The following PRKN variants were observed in gnomAD, a reference collection of about 807,000 sequenced individuals.
PRKN encodes parkin RBR E3 ubiquitin protein ligase.
A neutral mutation model predicts 59.5 loss-of-function variants in PRKN; 56 were observed. The ratio of observed to expected loss-of-function variants is 0.94; its 90% CI spans 0.76 to 1.18. The LOEUF (loss-of-function observed/expected upper bound fraction) is 1.18. Among genes scored for constraint, PRKN ranks in the 50% most tolerant of loss-of-function variants. The pLI is 0.00. For missense variants in PRKN, 657 were observed against 596.4 expected (o/e 1.10, Z -1.06); for synonymous variants, 250 against 222.1 (o/e 1.13, Z -1.12).
intron 7 of PRKN, among the ~76,000 whole-genome samples, chr6:161,639,246 A>C: frequency 6.6e-6 from 1 of 152,226 alleles, no homozygotes; most frequent in East Asian, 1.9e-4. Flanking sequence ...AGAATGGACA[A>C]ATAGACCTAG....
intron 6 of PRKN, among the ~76,000 whole-genome samples, chr6:161,953,318 C>T (rs1780055249): frequency 6.6e-6 from 1 of 152,132 alleles, no homozygotes; most frequent in Non-Finnish European, 1.5e-5. Context: ...ACCATGATGG[C>T]CAGGCTGATT....
chr6:161,830,746 T>C (rs1792463915), intron 6 of PRKN, among the ~76,000 whole-genome samples: 1 of 152,208 alleles, frequency 6.6e-6, no homozygotes, highest in African/African-American at 2.4e-5. Context: ...AACAAATGCA[T>C]TACCTCACAT....
chr6:162,568,581 G>C, intron 1 of PRKN: 1 of 849,064 alleles, frequency 1.2e-6, no homozygotes, highest in Admixed American at 1.7e-5. Context: ...GCAGGAGAAG[G>C]AGAAGGAGCA....
At chr6:162,039,139 G>C (rs1783963238) in intron 5 of PRKN, among the ~76,000 whole-genome samples, 1 of 149,090 alleles carries the variant, frequency 6.7e-6, no homozygotes, top group South Asian at 2.1e-4. Context: ...CTGGGCGACA[G>C]AGCGAGACTC....
chr6:162,130,471 G>A (rs2128307931), intron 4 of PRKN, among the ~76,000 whole-genome samples: 1 of 152,258 alleles, frequency 6.6e-6, no homozygotes, highest in East Asian at 1.9e-4. Flanking sequence ...TTAAATCAAT[G>A]TGCATCAGAA....
Position 161,487,894 on chromosome 6 carries a change from C to T in PRKN, c.1083+60960G>A, listed in dbSNP as rs962301320. Among the ~76,000 whole-genome samples the T allele has an allele frequency of 2.0e-5, 3 of 152,148 alleles. No individual in the cohort carries two copies. The highest frequency in any genetic ancestry group is 6.6e-5 in the Admixed American group (1 of 15,264). ...CTTCCCACCTCCCCCTACCTTCCTT[C>T]CTCTTTTTCTTCCCTCCCGTCATTA... On this transcript the variant is annotated intron_variant, in intron 9 of 11. Transcript: ENST00000366898. This position sits in a 1 kb window ranked among gnomAD's most constrained non-coding sequence, Gnocchi z 5.3.
At chr6:161,821,837 G>A (rs980742087) in intron 6 of PRKN, among the ~76,000 whole-genome samples, 10 of 137,776 alleles carry the variant, frequency 7.3e-5, no homozygotes, top group East Asian at 4.6e-4. Context: ...CAACTTCTGC[G>A]CCCTGGGTTG....
At chr6:162,049,420 G>A (rs1777534249) in intron 5 of PRKN, among the ~76,000 whole-genome samples, 1 of 152,256 alleles carries the variant, frequency 6.6e-6, no homozygotes, top group South Asian at 2.1e-4. Flanking sequence ...GAGAGTGAAA[G>A]AGTTGAGCTC....
intron 2 of PRKN, among the ~76,000 whole-genome samples, chr6:162,333,830 G>A (rs1783706453): frequency 6.6e-6 from 1 of 152,190 alleles, no homozygotes; most frequent in African/African-American, 2.4e-5. Flanking sequence ...CTTTGCACCA[G>A]GTTGGCTGTA....
rs568790181 is a variant in PRKN at position 161,527,326 on chromosome 6, C to T, written c.1083+21528G>A. 1.2e-3 allele frequency among the ~76,000 whole-genome samples: 185 copies of T among 152,272 alleles called. 1 individual carries two copies. The highest frequency in any genetic ancestry group is 2.1e-3 in the Non-Finnish European group (145 of 68,024). ...ATATTTTGGGGTGAAGTGTCTTGAG[C>T]CCCAACGGCATCAAGTATGAACTTG... On this transcript the variant is annotated intron_variant, in intron 9 of 11. Coordinates refer to ENST00000366898, the MANE Select transcript of PRKN (RefSeq NM_004562.3). This position sits in a 1 kb window ranked among gnomAD's most constrained non-coding sequence, Gnocchi z 4.6.
At chr6:162,363,263 A>G (rs796215403) in intron 2 of PRKN, among the ~76,000 whole-genome samples, 17 of 152,254 alleles carry the variant, frequency 1.1e-4, no homozygotes, top group African/African-American at 3.8e-4. Context: ...AGGCAATTCA[A>G]AGTACATTGT....
intron 4 of PRKN, among the ~76,000 whole-genome samples, chr6:162,107,217 C>T (rs542777227): frequency 6.6e-6 from 1 of 152,212 alleles, no homozygotes; most frequent in Non-Finnish European, 1.5e-5. Flanking sequence ...ATAATCCCAG[C>T]ACTTTGGGAG....
chr6:161,941,403 C>A (rs1304605162), intron 6 of PRKN, among the ~76,000 whole-genome samples: 1 of 152,168 alleles, frequency 6.6e-6, no homozygotes, highest in Non-Finnish European at 1.5e-5. Context: ...GGAGGAGATC[C>A]CAGGCTGCTG....
intron 6 of PRKN, among the ~76,000 whole-genome samples, chr6:161,875,661 G>T (rs1289439512): frequency 6.6e-6 from 1 of 152,082 alleles, no homozygotes; most frequent in South Asian, 2.1e-4. Flanking sequence ...ATTTAGAAGA[G>T]GCTCTGTCCG....
In PRKN at chr6:162,096,848, A is replaced by ATTTTTTTTTTTT. The variant is rs71004079; in HGVS notation, c.535-42686_535-42675dup. 1.8e-4 allele frequency among the ~76,000 whole-genome samples: 9 copies of ATTTTTTTTTTTT among 49,206 alleles called. 1 individual carries two copies. The highest frequency in any genetic ancestry group is 6.2e-4 in the African/African-American group (7 of 11,240). The allele number at this position is 49,206 out of a possible 152,430, so 32.3% of individuals were successfully genotyped here. On this transcript the variant is annotated intron_variant, in intron 4 of 11. Transcript: ENST00000366898. ...GTGAGAATGGACTCATACAGCTGGA[A>ATTTTTTTTTTTT]TTTTTTTTTTTTTTTTTTTTTTTTT...
At position 161,412,019 on chromosome 6, in the gene PRKN, A is replaced by C. The variant is rs1019473265; in HGVS notation, c.1084-25142T>G. 1.7e-4 allele frequency among the ~76,000 whole-genome samples: 12 copies of C among 71,926 alleles called. No individual in the cohort carries two copies. The South Asian group carries it at 3.1e-3, about 18-fold the overall frequency. 47.2% of individuals were successfully genotyped at this position (71,926 alleles called of 152,430 possible). ...TCCTCACTCATTCCTCCACTCATTC[A>C]TTCACTCATTCATTCCTCCACTCAC... is the stretch of plus-strand genomic sequence containing the variant. On this transcript the variant is annotated intron_variant, in intron 9 of 11. Coordinates refer to ENST00000366898, the MANE Select transcript of PRKN (RefSeq NM_004562.3).
At chr6:161,858,683 G>T (rs1793755120) in intron 6 of PRKN, among the ~76,000 whole-genome samples, 1 of 151,410 alleles carries the variant, frequency 6.6e-6, no homozygotes, top group African/African-American at 2.4e-5. Context: ...TCTTCCCGTT[G>T]GCGGTGAGAA....
chr6:162,330,805 C>T (rs1405548742), intron 2 of PRKN, among the ~76,000 whole-genome samples: 1 of 152,196 alleles, frequency 6.6e-6, no homozygotes, highest in Non-Finnish European at 1.5e-5. Context: ...TTCACTGACA[C>T]ACTCACCTTC....
chr6:161,929,281 G>C (rs1779080401), intron 6 of PRKN, among the ~76,000 whole-genome samples: 1 of 152,136 alleles, frequency 6.6e-6, no homozygotes. Flanking sequence ...CAACTATAGA[G>C]ATGGAAAATA....
Sources: allele counts gnomAD v4.1 joint callset (sites outside exome capture counted in the v4.1 genomes callset), GRCh38; gene constraint gnomAD v4.1.1; non-coding constraint Gnocchi (gnomAD v3.1); transcripts MANE v1.5; gene names NCBI Gene and HGNC (gene_info 2026-07-23, HGNC 2026-07-21).